Variants in TMEM183A observed in about 807,000 individuals in gnomAD.
TMEM183A encodes the protein chromosome 1 open reading frame 37.
A neutral mutation model predicts 46.7 loss-of-function variants in TMEM183A; 21 were observed. That is an observed-to-expected ratio of 0.45 (90% confidence interval 0.32 to 0.65). The LOEUF (loss-of-function observed/expected upper bound fraction) is 0.65. Among genes scored for constraint, TMEM183A ranks in the 30% least tolerant of loss-of-function variants. The pLI, the probability that TMEM183A is intolerant of heterozygous loss-of-function variation, is 0.04. For synonymous variants in TMEM183A, 165 were observed against 180.2 expected (o/e 0.92, Z 0.68); for missense variants, 331 against 481.9 (o/e 0.69, Z 2.93).
chr1:203,009,558 T>C (rs1421017312), intron 3 of TMEM183A, among the ~76,000 whole-genome samples: 1 of 152,176 alleles, frequency 6.6e-6, no homozygotes, highest in African/African-American at 2.4e-5. Context: ...CATGGCACAC[T>C]GCAGCCTTGA....
chr1:203,018,423 T>C (rs1016588482), intron 5 of TMEM183A, 58 bp from the exon 6 acceptor site: 14 of 1,562,188 alleles, frequency 9.0e-6, no homozygotes, highest in East Asian at 2.2e-5. Flanking sequence ...GGTTGTAGTG[T>C]ATTTTGATTT....
Position 203,013,356 on chromosome 1 carries a change from G to A in TMEM183A, c.368-1533G>A, listed in dbSNP as rs2102546933. Among the ~76,000 whole-genome samples the A allele has an allele frequency of 6.6e-6, 1 of 152,244 alleles. No homozygotes were observed. The highest frequency in any genetic ancestry group is 2.1e-4 in the South Asian group (1 of 4,820). On this transcript the variant is annotated intron_variant, in intron 3 of 7. Coordinates refer to ENST00000367242, the MANE Select transcript of TMEM183A (RefSeq NM_138391.6). This position sits in a 1 kb window ranked among gnomAD's most constrained non-coding sequence, Gnocchi z 4.0. Reference sequence around the variant, plus strand: ...GTTCTATGACTAGGTTTGAAATAAGGGTTAAGGTTAGGATTAGCTCAGATT... The same window carrying A: ...GTTCTATGACTAGGTTTGAAATAAGAGTTAAGGTTAGGATTAGCTCAGATT...
In TMEM183A at chr1:203,007,807, C is replaced by A. The variant is rs1323042617; in HGVS notation, c.143C>A (p.Ala48Glu). Residue 48 changes from alanine to glutamate, a missense_variant, in exon 2 of 8, where the codon GCG (alanine) becomes GAG (glutamate). Transcript: ENST00000367242. Reference sequence around the variant, plus strand: ...GCGGATTACGCCAACTCGGATCCGGCGGTCGTGAGGTCTGGACGAGTCAAG... The same window carrying A: ...GCGGATTACGCCAACTCGGATCCGGAGGTCGTGAGGTCTGGACGAGTCAAG... ...TVADYANSDP[A>E]VVRSGRVKKA... The A allele has an allele frequency of 1.2e-6, 2 of 1,613,828 alleles. No homozygotes were observed. Among genetic ancestry groups the A allele is most frequent in the South Asian group, 1.1e-5 (1 of 91,084 alleles).
At chr1:203,011,667 C>T (rs1656601149) in intron 3 of TMEM183A, among the ~76,000 whole-genome samples, 1 of 152,154 alleles carries the variant, frequency 6.6e-6, no homozygotes, top group Non-Finnish European at 1.5e-5. Context: ...CCTCGGCCTC[C>T]CAAAGTGTTG....
intron 4 of TMEM183A, chr1:203,015,380 C>T: frequency 3.1e-6 from 1 of 324,800 alleles, no homozygotes; most frequent in Non-Finnish European, 5.7e-6. Context: ...TGCCTATCTG[C>T]TCATCTTTCC....
At chr1:203,015,841 A>C in intron 4 of TMEM183A, 119 bp from the exon 5 acceptor site, 1 of 1,268,672 alleles carries the variant, frequency 7.9e-7, no homozygotes, top group Non-Finnish European at 1.1e-6. Context: ...GGGACAGGCT[A>C]TCTACTGGCC....
chr1:203,015,396 GATTAGGTGT>G (rs1225868023), intron 4 of TMEM183A: 2 of 304,498 alleles, frequency 6.6e-6, no homozygotes, highest in Non-Finnish European at 1.2e-5. Context: ...TTTCCAGCTG[GATTAGGTGT>G]TGCTTAGATT....
rs1553249434 is a variant in TMEM183A at position 203,012,148 on chromosome 1, T to TCTCACACACACACACACACA, written c.368-2740_368-2739insTCACACACACACACACACAC. Among the ~76,000 whole-genome samples, 54 of 79,468 alleles carry TCTCACACACACACACACACA rather than the reference T, an allele frequency of 6.8e-4. 1 individual carries two copies. The highest frequency in any genetic ancestry group is 3.4e-3 in the South Asian group (7 of 2,038). 52.1% of individuals were successfully genotyped at this position (79,468 alleles called of 152,430 possible). A position where few individuals can be genotyped will look rare whatever the true frequency, so the allele number is the denominator to read the frequency against. ...ACTTCAACCATTACCCCCCACTCCA[T>TCTCACACACACACACACACA]CACACACACACACACACACACACAC... On this transcript the variant is annotated intron_variant, in intron 3 of 7. Transcript: ENST00000367242.
chr1:203,019,052 CAG>C (rs138304948), intron 6 of TMEM183A, among the ~76,000 whole-genome samples: 12,659 of 152,238 alleles, frequency 0.083, 642 homozygotes, highest in East Asian at 0.16. Context: ...CTTACTAAAA[CAG>C]TGTACAGCCT....
intron 5 of TMEM183A, chr1:203,017,741 T>C (rs1043079234): frequency 6.1e-6 from 6 of 985,518 alleles, no homozygotes; most frequent in African/African-American, 1.7e-5. Flanking sequence ...TGATTCCCCC[T>C]CTCTCTCTTT....
Position 203,023,408 on chromosome 1 carries a change from G to A in TMEM183A, c.*368G>A, listed in dbSNP as rs1387025528. ...CAAGGAAGTTTCAGCATTCCCTTAT[G>A]GATCAGAGGAACCTTAGAGGCCTGA... On this transcript the variant is annotated 3_prime_UTR_variant, in exon 8 of 8. Transcript: ENST00000367242. The A allele has an allele frequency of 6.5e-6, 1 of 153,666 alleles. No homozygotes were observed. The highest frequency in any genetic ancestry group is 1.4e-5 in the Non-Finnish European group (1 of 68,974). The allele number at this position is 153,666 out of a possible 1,614,324, so 9.5% of individuals were successfully genotyped here.
chr1:203,015,238 C>T, intron 4 of TMEM183A, 190 bp downstream of exon 4: 1 of 863,390 alleles, frequency 1.2e-6, no homozygotes, highest in Non-Finnish European at 1.7e-6. Context: ...AGGTAATTGT[C>T]TTCCGTGTGG....
chr1:203,011,866 G>A (rs892318013), intron 3 of TMEM183A, among the ~76,000 whole-genome samples: 1 of 52,664 alleles, frequency 1.9e-5, no homozygotes, highest in East Asian at 5.3e-4. Context: ...CCATCAGACT[G>A]GTCTTTTTTT....
intron 3 of TMEM183A, among the ~76,000 whole-genome samples, chr1:203,011,193 A>T (rs1039667243): frequency 2.0e-5 from 3 of 152,196 alleles, no homozygotes; most frequent in Admixed American, 1.3e-4. Context: ...AGGAATTGCC[A>T]AACTGTTTTC....
rs1656023103 is a variant in TMEM183A, at chr1:203,007,381, G to A, written c.-85G>A. 3 of 1,276,930 alleles carry A rather than the reference G, an allele frequency of 2.3e-6. No homozygotes were observed. The highest frequency in any genetic ancestry group is 3.0e-6 in the Non-Finnish European group (3 of 997,798). The allele number at this position is 1,276,930 out of a possible 1,614,324, so 79.1% of individuals were successfully genotyped here. ...GGAACCCGGACCTATGTTCTCGCGA[G>A]AGTTAGCGGCCTCCGGTGTGGGATG... On this transcript the variant is annotated 5_prime_UTR_variant, in exon 1 of 8. Coordinates refer to ENST00000367242, the MANE Select transcript of TMEM183A (RefSeq NM_138391.6).
chr1:203,007,800 G>A lies in TMEM183A; in HGVS notation c.136G>A (p.Asp46Asn). The A allele has an allele frequency of 6.2e-7, 1 of 1,614,014 alleles. No individual in the cohort carries two copies. Among genetic ancestry groups the A allele is most frequent in the East Asian group, 2.2e-5 (1 of 44,880 alleles). ...GACCGTGGCGGATTACGCCAACTCG[G>A]ATCCGGCGGTCGTGAGGTCTGGACG... ...RVTVADYANS[D>N]PAVVRSGRVK... The change falls in exon 2 of 8, where the codon GAT becomes AAT. Residue 46 changes from aspartate (D) to asparagine (N), a missense_variant. Transcript: ENST00000367242.
At chr1:203,019,495 G>A (rs1318421257) in intron 6 of TMEM183A, among the ~76,000 whole-genome samples, 1 of 152,116 alleles carries the variant, frequency 6.6e-6, no homozygotes, top group Non-Finnish European at 1.5e-5. Context: ...AGTGTATGCT[G>A]AATTATTTAA....
At chr1:203,019,721 C>T (rs1244381793) in intron 6 of TMEM183A, among the ~76,000 whole-genome samples, 1 of 152,148 alleles carries the variant, frequency 6.6e-6, no homozygotes, top group African/African-American at 2.4e-5. Flanking sequence ...AGACAAATTA[C>T]ATGAACTCTC....
chr1:203,019,565 C>G (rs546108523), intron 6 of TMEM183A, among the ~76,000 whole-genome samples: 103 of 152,090 alleles, frequency 6.8e-4, no homozygotes, highest in Non-Finnish European at 1.2e-3. Context: ...AGATTAATTG[C>G]AGTTACAGGA....
Sources: allele counts gnomAD v4.1 joint callset (sites outside exome capture counted in the v4.1 genomes callset), GRCh38; gene constraint gnomAD v4.1.1; non-coding constraint Gnocchi (gnomAD v3.1); transcripts MANE v1.5; gene names NCBI Gene and HGNC (gene_info 2026-07-23, HGNC 2026-07-21).